Variants in ANO3 observed in about 807,000 individuals in gnomAD.
The protein encoded by ANO3 is anoctamin 3, also known as anoctamin-3.
In ANO3, 99 loss-of-function variants were observed where a neutral mutation model predicts 144.8. That is an observed-to-expected ratio of 0.68 (90% CI 0.58 to 0.81). The LOEUF is 0.81. Among genes scored for constraint, ANO3 ranks in the 30% least tolerant of loss-of-function variants. ANO3 has a pLI of 0.00. For missense variants in ANO3, 905 were observed against 1,202.2 expected, an observed-to-expected ratio of 0.75 and a Z score of 3.66; for synonymous variants, 414 against 392.6, an observed-to-expected ratio of 1.05 and a Z score of -0.64.
At chr11:26,272,887 T>G (rs1469063347) in intron 1 of ANO3, among the ~76,000 whole-genome samples, 1 of 152,180 alleles carries the variant, frequency 6.6e-6, no homozygotes, top group African/African-American at 2.4e-5. Flanking sequence ...TGATCAGGAC[T>G]GCCCTTCTCT....
intron 26 of ANO3, 123 bp downstream of exon 26, chr11:26,656,604 G>A: frequency 1.5e-6 from 1 of 665,902 alleles, no homozygotes; most frequent in Non-Finnish European, 2.7e-6. Context: ...TCCCGTAAAA[G>A]GCTTTAATAC....
At chr11:26,329,901 CT>C (rs1449554436), upstream of ANO3, among the ~76,000 whole-genome samples, 1 of 151,852 alleles carries the variant, frequency 6.6e-6, no homozygotes, top group Non-Finnish European at 1.5e-5. Flanking sequence ...CAAGCTCCGC[CT>C]CCCGGGTTCA....
chr11:26,572,060 T>G, intron 14 of ANO3: 1 of 985,206 alleles, frequency 1.0e-6, no homozygotes, highest in Non-Finnish European at 1.2e-6. Flanking sequence ...TAGGAGGTAT[T>G]TACAATCAGG....
At chr11:26,284,047 C>T (rs894138117) in intron 1 of ANO3, among the ~76,000 whole-genome samples, 6 of 152,082 alleles carry the variant, frequency 3.9e-5, no homozygotes, top group East Asian at 3.9e-4. Context: ...GGTGGTATGG[C>T]GGGAGGAGGG....
At chr11:26,498,551 TTAA>T (rs1003135865) in intron 4 of ANO3, among the ~76,000 whole-genome samples, 48 of 149,742 alleles carry the variant, frequency 3.2e-4, no homozygotes, top group East Asian at 9.7e-4. Flanking sequence ...ATAATTAAAA[TTAA>T]TAATAATAAT....
chr11:26,396,324 C>A, intron 1 of ANO3, among the ~76,000 whole-genome samples: 1 of 152,100 alleles, frequency 6.6e-6, no homozygotes, highest in East Asian at 1.9e-4. Flanking sequence ...AATAGGAACA[C>A]TTTTACACTG....
In ANO3 at chr11:26,599,137, A is replaced by G. The variant is rs1851723625; in HGVS notation, c.1671+139A>G. 2.0e-5 allele frequency: 18 copies of G among 899,388 alleles called. No individual in the cohort carries two copies. The Admixed American group carries it at 2.9e-4, about 14-fold the overall frequency. 55.7% of individuals were successfully genotyped at this position (899,388 alleles called of 1,614,324 possible). On this transcript the variant is annotated intron_variant, in intron 16 of 26. Coordinates refer to ENST00000256737, the MANE Select transcript of ANO3 (RefSeq NM_031418.4). ...ACAACTTGGTAACACGTACAATTAA[A>G]CAAACAAATCACAACAGGTTATGGA...
At chr11:26,539,101 G>A (rs1849581065) in intron 10 of ANO3, among the ~76,000 whole-genome samples, 1 of 149,834 alleles carries the variant, frequency 6.7e-6, no homozygotes, top group Non-Finnish European at 1.5e-5. Context: ...GGAGTTTGGT[G>A]TGAAAAGGAA....
intron 1 of ANO3, among the ~76,000 whole-genome samples, chr11:26,215,933 T>C (rs1057373104): frequency 1.3e-4 from 20 of 151,980 alleles, no homozygotes; most frequent in African/African-American, 4.3e-4. Flanking sequence ...TGTTAACCCA[T>C]ACCCCCATTC....
intron 1 of ANO3, among the ~76,000 whole-genome samples, chr11:26,321,870 C>A (rs1854768954): frequency 6.6e-6 from 1 of 151,964 alleles, no homozygotes; most frequent in Middle Eastern, 3.4e-3. Context: ...GAAGCTTTAT[C>A]TTTATTTGTG....
chr11:26,342,282 G>T (rs1483110222), intron 1 of ANO3, among the ~76,000 whole-genome samples: 1 of 152,152 alleles, frequency 6.6e-6, no homozygotes, highest in African/African-American at 2.4e-5. Flanking sequence ...TCTCATGTTT[G>T]TGTCGCCTCC....
chr11:26,366,844 ATTTG>A (rs1218247338), intron 1 of ANO3, among the ~76,000 whole-genome samples: 1 of 149,598 alleles, frequency 6.7e-6, no homozygotes, highest in East Asian at 2.0e-4. Context: ...TTTCTTGTAA[ATTTG>A]TTTGAGTTCT....
chr11:26,359,884 T>TGTG (rs1337381916), intron 1 of ANO3, among the ~76,000 whole-genome samples: 1 of 151,720 alleles, frequency 6.6e-6, no homozygotes. Context: ...CTAGTGTGTG[T>TGTG]GTGTGTGTGT....
chr11:26,541,862 A>G (rs1426300689), intron 10 of ANO3, 85 bp from the exon 11 acceptor site: 14 of 1,296,294 alleles, frequency 1.1e-5, no homozygotes, highest in Non-Finnish European at 1.4e-5. Flanking sequence ...TTGTTAAATT[A>G]TTCTGCAAGG....
intron 5 of ANO3, among the ~76,000 whole-genome samples, chr11:26,509,105 C>CCA (rs1861550094): frequency 6.8e-6 from 1 of 147,626 alleles, no homozygotes; most frequent in Non-Finnish European, 1.5e-5. Flanking sequence ...CTCTCTCTCT[C>CCA]TATATATATA....
chr11:26,567,536 CAT>C (rs1366301487), intron 14 of ANO3, among the ~76,000 whole-genome samples: 2 of 151,926 alleles, frequency 1.3e-5, no homozygotes, highest in African/African-American at 4.8e-5. Context: ...TAATTTCTCA[CAT>C]GTGGTACAAC....
chr11:26,357,709 TTTC>T (rs1426715255), intron 1 of ANO3, among the ~76,000 whole-genome samples: 2 of 152,164 alleles, frequency 1.3e-5, no homozygotes, highest in Non-Finnish European at 2.9e-5. Context: ...AGTAGAATTT[TTTC>T]TTTTCTTTTA....
intron 1 of ANO3, among the ~76,000 whole-genome samples, chr11:26,230,720 T>G (rs888837313): frequency 7.7e-6 from 1 of 130,676 alleles, no homozygotes; most frequent in African/African-American, 2.9e-5. Flanking sequence ...CTGCTTGAAC[T>G]CAGAAGACAG....
intron 1 of ANO3, among the ~76,000 whole-genome samples, chr11:26,420,170 TAGCA>T (rs1209487600): frequency 6.6e-6 from 1 of 152,066 alleles, no homozygotes; most frequent in Non-Finnish European, 1.5e-5. Flanking sequence ...TGTGTCCTGC[TAGCA>T]AGCAAACTCA....
Sources: allele counts gnomAD v4.1 joint callset (sites outside exome capture counted in the v4.1 genomes callset), GRCh38; gene constraint gnomAD v4.1.1; transcripts MANE v1.5; gene names NCBI Gene and HGNC (gene_info 2026-07-23, HGNC 2026-07-21).